The following DAB1 variants were observed in gnomAD, a reference collection of about 807,000 sequenced individuals.
DAB1 encodes DAB adaptor protein 1, also known as disabled homolog 1.
Under a neutral mutation model 64.6 loss-of-function variants are expected in DAB1, and 15 were observed. The observed-to-expected ratio is 0.23, with a 90% CI of 0.16 to 0.36. DAB1 has a LOEUF of 0.36. Among genes scored for constraint, DAB1 ranks in the 10% least tolerant of loss-of-function variants. The probability of loss-of-function intolerance (pLI) is 1.00; values close to 1 mark genes in which losing one functional copy is unlikely to be tolerated. For synonymous variants in DAB1, 235 were observed against 251.9 expected (o/e 0.93, Z 0.64); for missense variants, 596 against 706.7 (o/e 0.84, Z 1.78).
intron 4 of DAB1, among the ~76,000 whole-genome samples, chr1:58,238,246 C>T (rs1660136455): frequency 6.6e-6 from 1 of 152,186 alleles, no homozygotes; most frequent in Admixed American, 6.5e-5. Context: ...GGTGCTCTGA[C>T]TACATCCAGG....
chr1:58,475,477 A>AACACAC (rs112408529), intron 3 of DAB1, among the ~76,000 whole-genome samples: 10,539 of 148,174 alleles, frequency 0.071, 393 homozygotes, highest in Middle Eastern at 0.14. Flanking sequence ...AGGTTAATTA[A>AACACAC]ACACACACAC....
At chr1:57,719,988 G>A (rs147154431) in intron 6 of DAB1, among the ~76,000 whole-genome samples, 3 of 152,244 alleles carry the variant, frequency 2.0e-5, no homozygotes, top group African/African-American at 7.2e-5. Context: ...TTGACATTTA[G>A]TTGTTCCCAT....
intron 5 of DAB1, among the ~76,000 whole-genome samples, chr1:58,019,606 T>A (rs2100450189): frequency 6.6e-6 from 1 of 152,350 alleles, no homozygotes; most frequent in African/African-American, 2.4e-5. Flanking sequence ...TTTCCTCATT[T>A]TATAGATGAG....
intron 9 of DAB1, among the ~76,000 whole-genome samples, chr1:57,041,074 A>G (rs1647721508): frequency 6.6e-6 from 1 of 152,236 alleles, no homozygotes; most frequent in Non-Finnish European, 1.5e-5. Context: ...AGAGCAAATC[A>G]GAGGAAATCA....
chr1:57,479,770 C>G (rs1173325369), intron 7 of DAB1, among the ~76,000 whole-genome samples: 1 of 152,128 alleles, frequency 6.6e-6, no homozygotes, highest in Non-Finnish European at 1.5e-5. Context: ...TGCAGCTTCT[C>G]CACATGGTGT....
chr1:57,798,583 A>G lies in DAB1; in HGVS notation n.551+85416T>C, dbSNP rs528210157. 2.0e-5 allele frequency among the ~76,000 whole-genome samples: 3 copies of G among 152,362 alleles called. No homozygotes were observed. In the East Asian group the frequency reaches 5.8e-4, roughly 29 times the overall value. ...TTTCATGTCATGGAATATTACATTC[A>G]TGTGGTCTCACCTCTCTGTGCTGGA... On this transcript the variant is annotated intron_variant and non_coding_transcript_variant, in intron 6 of 20. Coordinates refer to the DAB1 transcript ENST00000485760.
chr1:57,670,733 G>A (rs1449432156), intron 6 of DAB1, among the ~76,000 whole-genome samples: 3 of 152,102 alleles, frequency 2.0e-5, no homozygotes, highest in Non-Finnish European at 2.9e-5. Context: ...GCTAGCCATT[G>A]AATCCTGAAC....
At chr1:57,391,808 CACACAG>C (rs1188283276) in intron 1 of DAB1, among the ~76,000 whole-genome samples, 54 of 136,252 alleles carry the variant, frequency 4.0e-4, no homozygotes, top group African/African-American at 1.6e-3. Context: ...CACACACACA[CACACAG>C]AGAGAGGAGA....
At chr1:57,946,166 G>A (rs1645181469) in intron 5 of DAB1, among the ~76,000 whole-genome samples, 1 of 152,150 alleles carries the variant, frequency 6.6e-6, no homozygotes, top group South Asian at 2.1e-4. Context: ...CCACCTCCCA[G>A]CATGGAGATT....
intron 3 of DAB1, among the ~76,000 whole-genome samples, chr1:58,372,702 T>C (rs765260257): frequency 2.6e-5 from 4 of 152,180 alleles, no homozygotes; most frequent in Non-Finnish European, 5.9e-5. Flanking sequence ...TGTGGGGTGA[T>C]TGCATCATGA....
intron 5 of DAB1, among the ~76,000 whole-genome samples, chr1:57,972,555 C>T (rs1007410328): frequency 6.6e-6 from 1 of 152,092 alleles, no homozygotes; most frequent in Admixed American, 6.6e-5. Flanking sequence ...AATTTTTTCA[C>T]CTAAAAGGGG....
chr1:58,323,289 C>T (rs181219943), intron 4 of DAB1, among the ~76,000 whole-genome samples: 16 of 151,812 alleles, frequency 1.1e-4, no homozygotes, highest in African/African-American at 3.6e-4. Context: ...ACTCTCCTTG[C>T]TCTTCTCACC....
chr1:58,235,073 C>T (rs141503738), intron 4 of DAB1, among the ~76,000 whole-genome samples: 2 of 152,340 alleles, frequency 1.3e-5, no homozygotes, highest in South Asian at 2.1e-4. Flanking sequence ...TCCGGCCCCT[C>T]GCCACACACC....
chr1:57,729,824 G>T (rs1647332588), intron 6 of DAB1, among the ~76,000 whole-genome samples: 1 of 152,180 alleles, frequency 6.6e-6, no homozygotes, highest in Non-Finnish European at 1.5e-5. Flanking sequence ...GCTTTAAGAG[G>T]CTAAGGCCAG....
At chr1:57,796,848 C>T (rs1311526998) in intron 6 of DAB1, among the ~76,000 whole-genome samples, 1 of 152,116 alleles carries the variant, frequency 6.6e-6, no homozygotes, top group Non-Finnish European at 1.5e-5. Flanking sequence ...TTTCTACTGG[C>T]TATAGATCCC....
intron 1 of DAB1, among the ~76,000 whole-genome samples, chr1:58,536,953 C>T (rs1257407676): frequency 6.6e-6 from 1 of 151,870 alleles, no homozygotes; most frequent in Non-Finnish European, 1.5e-5. Context: ...AATTCTAATA[C>T]TCATCGAAAT....
intron 7 of DAB1, among the ~76,000 whole-genome samples, chr1:57,508,914 A>C (rs761791787): frequency 7.9e-5 from 12 of 151,864 alleles, no homozygotes; most frequent in Non-Finnish European, 1.5e-4. Context: ...AAACATTTAT[A>C]TATGCACATA....
chr1:57,143,232 C>T (rs992194832), intron 3 of DAB1, among the ~76,000 whole-genome samples: 1 of 152,146 alleles, frequency 6.6e-6, no homozygotes, highest in Non-Finnish European at 1.5e-5. Flanking sequence ...AACACCCCTG[C>T]AAGCCAAGTG....
chr1:57,268,863 C>A (rs1357435084), intron 2 of DAB1, among the ~76,000 whole-genome samples: 2 of 152,166 alleles, frequency 1.3e-5, no homozygotes, highest in Middle Eastern at 3.2e-3. Flanking sequence ...TGTAAGGAAC[C>A]TTTACAATGG....
Sources: allele counts gnomAD v4.1 joint callset (sites outside exome capture counted in the v4.1 genomes callset), GRCh38; gene constraint gnomAD v4.1.1; transcripts MANE v1.5; gene names NCBI Gene and HGNC (gene_info 2026-07-23, HGNC 2026-07-21).